Variants in FANCB observed in about 807,000 individuals in gnomAD.
FANCB encodes Fanconi anemia group B protein.
Under a neutral mutation model 38.9 loss-of-function variants are expected in FANCB, and 5 were observed. The observed-to-expected ratio is 0.13, with a 90% CI of 0.07 to 0.27. The LOEUF is 0.27. Ranked by LOEUF, FANCB falls within the 10% of genes least tolerant of loss-of-function variation. FANCB has a pLI of 1.00. For synonymous variants in FANCB, 236 were observed against 215.4 expected, an observed-to-expected ratio of 1.10 and a Z score of -0.84; for missense variants, 573 against 602.7, an observed-to-expected ratio of 0.95 and a Z score of 0.52.
chrX:14,810,484 G>A, the FANCB span, among the ~76,000 whole-genome samples: 21 of 112,412 alleles, frequency 1.9e-4, no homozygotes, highest in Admixed American at 2.0e-3. Context: ...AGCTGATGGA[G>A]CTGAAAGCCA....
chrX:14,769,798 A>G, the FANCB span, among the ~76,000 whole-genome samples: 5 of 111,861 alleles, frequency 4.5e-5, no homozygotes, highest in Non-Finnish European at 9.4e-5. Flanking sequence ...TTAGTGCTAT[A>G]AATTTTCTTC....
chrX:14,810,855 A>T, the FANCB span, among the ~76,000 whole-genome samples: 1 of 111,371 alleles, frequency 9.0e-6, no homozygotes, highest in Non-Finnish European at 1.9e-5. Flanking sequence ...ACTCCAAGAC[A>T]CATAATTGTC....
the FANCB span, among the ~76,000 whole-genome samples, chrX:14,692,789 A>C: frequency 4.5e-5 from 5 of 112,038 alleles, no homozygotes; most frequent in Admixed American, 1.9e-4. Context: ...AATTTTTGAA[A>C]TGCTGTGTGA....
At chrX:14,758,036 C>T in the FANCB span, among the ~76,000 whole-genome samples, 12 of 111,558 alleles carry the variant, frequency 1.1e-4, no homozygotes, top group African/African-American at 3.9e-4. Context: ...GAATTGAGAC[C>T]AGCCTTTTGG....
At chrX:14,762,761 C>A in the FANCB span, among the ~76,000 whole-genome samples, 1 of 112,263 alleles carries the variant, frequency 8.9e-6, no homozygotes, top group African/African-American at 3.2e-5. Context: ...ACTCAATAAA[C>A]CTTTAGAAGA....
the FANCB span, among the ~76,000 whole-genome samples, chrX:14,694,307 C>A: frequency 9.0e-6 from 1 of 111,517 alleles, no homozygotes; most frequent in African/African-American, 3.3e-5. Context: ...CATTAGACTA[C>A]TCACAGGTTA....
the FANCB span, among the ~76,000 whole-genome samples, chrX:14,710,661 A>G: frequency 8.9e-6 from 1 of 111,995 alleles, no homozygotes. Context: ...AACTGTTGTT[A>G]CGGTTGATTA....
the FANCB span, among the ~76,000 whole-genome samples, chrX:14,813,505 A>G: frequency 2.4e-4 from 27 of 111,633 alleles, no homozygotes; most frequent in East Asian, 7.0e-3. Context: ...AATCACAAGC[A>G]TTCCTATACA....
the FANCB span, among the ~76,000 whole-genome samples, chrX:14,814,562 A>G: frequency 8.9e-6 from 1 of 112,738 alleles, no homozygotes; most frequent in African/African-American, 3.2e-5. Context: ...CAACAGACAC[A>G]TGAAAAAATG....
At chrX:14,795,744 AC>A in the FANCB span, among the ~76,000 whole-genome samples, 585 of 112,210 alleles carry the variant, frequency 5.2e-3, 6 homozygotes, top group African/African-American at 0.018. Context: ...TGTCCCAAAC[AC>A]AAAGATGTCT....
the FANCB span, among the ~76,000 whole-genome samples, chrX:14,814,352 G>T: frequency 8.9e-6 from 1 of 111,928 alleles, no homozygotes; most frequent in Admixed American, 9.5e-5. Flanking sequence ...AAGAGCTTCT[G>T]CACAGCAAAA....
chrX:14,785,948 C>T, the FANCB span, among the ~76,000 whole-genome samples: 22 of 111,495 alleles, frequency 2.0e-4, no homozygotes, highest in African/African-American at 6.5e-4. Flanking sequence ...CAGGAGTGCT[C>T]TTGGGAATGC....
the FANCB span, among the ~76,000 whole-genome samples, chrX:14,771,321 T>C: frequency 9.0e-6 from 1 of 111,597 alleles, no homozygotes; most frequent in East Asian, 2.8e-4. Flanking sequence ...CTAGGAGGTT[T>C]TGTTCATTCC....
At chrX:14,859,812 T>C (rs185380081) in intron 3 of FANCB, among the ~76,000 whole-genome samples, 19 of 111,975 alleles carry the variant, frequency 1.7e-4, no homozygotes, top group African/African-American at 5.8e-4. Context: ...TTCTGTTGCA[T>C]ACCTGACAGC....
At chrX:14,818,080 C>T in the FANCB span, among the ~76,000 whole-genome samples, 41 of 111,431 alleles carry the variant, frequency 3.7e-4, no homozygotes, top group Non-Finnish European at 6.6e-4. Flanking sequence ...ATAAACCGGT[C>T]CTCATTGAGC....
intron 10 of FANCB, among the ~76,000 whole-genome samples, chrX:14,837,455 A>G (rs1358983647): frequency 1.8e-5 from 2 of 112,364 alleles, no homozygotes; most frequent in Non-Finnish European, 3.8e-5. Flanking sequence ...GGTTCTAACA[A>G]AGAAAACTGA....
intron 1 of FANCB, among the ~76,000 whole-genome samples, chrX:14,872,174 A>G (rs762907189): frequency 3.6e-5 from 4 of 112,281 alleles, no homozygotes; most frequent in African/African-American, 1.3e-4. Flanking sequence ...TTAAGGATGT[A>G]GTCAAACAAC....
At chrX:14,854,817 T>C (rs1273581421) in intron 5 of FANCB, among the ~76,000 whole-genome samples, 2 of 111,870 alleles carry the variant, frequency 1.8e-5, no homozygotes, top group Non-Finnish European at 3.8e-5. Flanking sequence ...ACAATCATAA[T>C]TGCCCTTTCT....
chrX:14,799,646 G>A, the FANCB span, among the ~76,000 whole-genome samples: 1 of 111,977 alleles, frequency 8.9e-6, no homozygotes, highest in African/African-American at 3.3e-5. Context: ...AGACGTTAAA[G>A]GTGACAGGGT....
Sources: allele counts gnomAD v4.1 joint callset (sites outside exome capture counted in the v4.1 genomes callset), GRCh38; gene constraint gnomAD v4.1.1; transcripts MANE v1.5; gene names NCBI Gene and HGNC (gene_info 2026-07-23, HGNC 2026-07-21).